The following ABHD6 variants were observed in gnomAD, a reference collection of about 807,000 sequenced individuals.
ABHD6 encodes abhydrolase domain containing 6, acylglycerol lipase.
Under a neutral mutation model 38.8 loss-of-function variants are expected in ABHD6, and 33 were observed. The ratio of observed to expected loss-of-function variants is 0.85; its 90% CI spans 0.64 to 1.14. The LOEUF (loss-of-function observed/expected upper bound fraction) is 1.14. Ranked by LOEUF, ABHD6 falls within the 50% of genes most tolerant of loss-of-function variation. The pLI, the probability that ABHD6 is intolerant of heterozygous loss-of-function variation, is 0.00. For missense variants in ABHD6, 380 were observed against 422.6 expected (o/e 0.90, Z 0.88); for synonymous variants, 147 against 161.6 (o/e 0.91, Z 0.69).
intron 7 of ABHD6, among the ~76,000 whole-genome samples, chr3:58,279,560 T>A (rs1369453967): frequency 6.6e-6 from 1 of 152,232 alleles, no homozygotes; most frequent in Non-Finnish European, 1.5e-5. Flanking sequence ...CCAGTCTGTG[T>A]CTTTTAATTG....
intron 7 of ABHD6, among the ~76,000 whole-genome samples, chr3:58,278,359 T>C (rs573753705): frequency 1.1e-3 from 165 of 152,370 alleles, no homozygotes; most frequent in African/African-American, 3.8e-3. Flanking sequence ...ATTTATCCAT[T>C]TCTTCTAGAT....
Position 58,293,894 on chromosome 3 carries a change from C to A in ABHD6, c.*129C>A. The A allele has an allele frequency of 9.7e-7, 1 of 1,032,220 alleles. No individual in the cohort carries two copies. The highest frequency in any genetic ancestry group is 1.4e-6 in the Non-Finnish European group (1 of 731,062). 63.9% of individuals were successfully genotyped at this position (1,032,220 alleles called of 1,614,324 possible). ...GCCAGTGACCCTGAGGAAGCCCGTC[C>A]CTTATCCCTGGTATCCACGGTTCCC... On this transcript the variant is annotated 3_prime_UTR_variant, in exon 10 of 10. Coordinates refer to ENST00000478253, the MANE Select transcript of ABHD6 (RefSeq NM_001320126.2). This position sits in a 1 kb window ranked among gnomAD's most constrained non-coding sequence, Gnocchi z 4.4.
Position 58,269,267 on chromosome 3 carries a change from G to T in ABHD6, c.277-54G>T. The T allele has an allele frequency of 1.4e-6, 2 of 1,405,822 alleles. No homozygotes were observed. Among genetic ancestry groups the T allele is most frequent in the South Asian group, 1.2e-5 (1 of 84,706 alleles). 87.1% of individuals were successfully genotyped at this position (1,405,822 alleles called of 1,614,324 possible). Reference sequence around the variant, plus strand: ...CATGGGGCAACCTCCCAAGAAAATGGGCAGACATGTTTTGCACACCACATA... The same window carrying T: ...CATGGGGCAACCTCCCAAGAAAATGTGCAGACATGTTTTGCACACCACATA... On this transcript the variant is annotated intron_variant, in intron 4 of 9. Coordinates refer to ENST00000478253, the MANE Select transcript of ABHD6 (RefSeq NM_001320126.2). This position sits in a 1 kb window ranked among gnomAD's most constrained non-coding sequence, Gnocchi z 4.4.
At chr3:58,292,720 C>A (rs9880577) in intron 9 of ABHD6, among the ~76,000 whole-genome samples, 14,210 of 151,900 alleles carry the variant, frequency 0.094, 789 homozygotes, top group African/African-American at 0.13. Flanking sequence ...AGTTCGAGAC[C>A]AGCCTGGCCA....
At chr3:58,278,498 T>C (rs1036408366) in intron 7 of ABHD6, among the ~76,000 whole-genome samples, 2 of 152,208 alleles carry the variant, frequency 1.3e-5, no homozygotes, top group Admixed American at 1.3e-4. Context: ...TCTTTTCTTC[T>C]TTATTAGTCT....
In ABHD6 at chr3:58,256,546, T is replaced by G; in HGVS notation, c.-25-16T>G. The G allele has an allele frequency of 6.9e-7, 1 of 1,446,146 alleles. No individual in the cohort carries two copies. Among genetic ancestry groups the G allele is most frequent in the Non-Finnish European group, 9.7e-7 (1 of 1,034,864 alleles). 89.6% of individuals were successfully genotyped at this position (1,446,146 alleles called of 1,614,324 possible). ...ATACAGAGTTTTAATATCGTCATTC[T>G]CTTTGGCCCCTGCAGGAGTCAGCCA... On this transcript the variant is annotated splice_polypyrimidine_tract_variant and intron_variant, in intron 2 of 9. Coordinates refer to ENST00000478253, the MANE Select transcript of ABHD6 (RefSeq NM_001320126.2). The surrounding 1 kb of genome is among the most constrained non-coding windows in gnomAD (Gnocchi z 4.3).
rs71619229 is a variant in ABHD6 at position 58,256,108 on chromosome 3, C to T, written c.-25-454C>T. Among the ~76,000 whole-genome samples the T allele has an allele frequency of 9.3e-5, 6 of 64,546 alleles. No homozygotes were observed. Among genetic ancestry groups the T allele is most frequent in the Admixed American group, 6.8e-4 (5 of 7,370 alleles). 42.3% of individuals were successfully genotyped at this position (64,546 alleles called of 152,430 possible). The stretch of plus-strand genomic sequence containing the variant: ...ACACACACACACACACACACACACA[C>T]ATACACACACTACTTTTTCTCTCCT... On this transcript the variant is annotated intron_variant, in intron 2 of 9. Coordinates refer to ENST00000478253, the MANE Select transcript of ABHD6 (RefSeq NM_001320126.2). The surrounding 1 kb of genome is among the most constrained non-coding windows in gnomAD (Gnocchi z 4.3).
intron 6 of ABHD6, among the ~76,000 whole-genome samples, 173 bp downstream of exon 6, chr3:58,271,237 C>A (rs2097444643): frequency 6.6e-6 from 1 of 151,708 alleles, no homozygotes; most frequent in African/African-American, 2.4e-5. Context: ...ATAATCATAA[C>A]CAGACTGATT....
chr3:58,240,200 A>G (rs774461474), intron 1 of ABHD6, among the ~76,000 whole-genome samples: 8 of 152,108 alleles, frequency 5.3e-5, no homozygotes, highest in Admixed American at 2.6e-4. Flanking sequence ...CTAGTAGGCT[A>G]GCTAAGATTG....
chr3:58,256,526 G>T lies in ABHD6; in HGVS notation c.-25-36G>T. 1 of 1,251,872 alleles carries T rather than the reference G, an allele frequency of 8.0e-7. No individual in the cohort carries two copies. Among genetic ancestry groups the T allele is most frequent in the African/African-American group, 1.5e-5 (1 of 66,120 alleles). 77.5% of individuals were successfully genotyped at this position (1,251,872 alleles called of 1,614,324 possible). On this transcript the variant is annotated intron_variant, in intron 2 of 9. Transcript: ENST00000478253. This position sits in a 1 kb window ranked among gnomAD's most constrained non-coding sequence, Gnocchi z 4.3. ...TCTTCGCCTTTTTTCCTTTGATACA[G>T]AGTTTTAATATCGTCATTCTCTTTG...
rs11717700 is a variant in ABHD6, at chr3:58,265,149, T to A, written c.120-2040T>A. Among the ~76,000 whole-genome samples the A allele has an allele frequency of 0.064, 9,686 of 152,292 alleles. 452 individuals carry two copies. The highest frequency in any genetic ancestry group is 0.12 in the South Asian group (563 of 4,830). On this transcript the variant is annotated intron_variant, in intron 3 of 9. Coordinates refer to ENST00000478253, the MANE Select transcript of ABHD6 (RefSeq NM_001320126.2). The surrounding 1 kb of genome is among the most constrained non-coding windows in gnomAD (Gnocchi z 4.2). ...CCCATAAATAAGTGAGAGCATGTGA[T>A]GTTTGTCTTTCTGTGTCTGGCTTAC...
At chr3:58,255,463 T>TG (rs5849246) in intron 2 of ABHD6, among the ~76,000 whole-genome samples, 2 of 45,214 alleles carry the variant, frequency 4.4e-5, no homozygotes, top group Non-Finnish European at 8.3e-5. Flanking sequence ...AAAGTCTGTC[T>TG]TTTTTTTTTT....
intron 7 of ABHD6, among the ~76,000 whole-genome samples, chr3:58,278,988 T>C (rs2097450899): frequency 6.6e-6 from 1 of 152,238 alleles, no homozygotes; most frequent in Admixed American, 6.5e-5. Context: ...ATTTCTGTTC[T>C]TTTACATTTG....
chr3:58,239,776 C>T (rs1156659197), intron 1 of ABHD6, among the ~76,000 whole-genome samples: 1 of 151,422 alleles, frequency 6.6e-6, no homozygotes, highest in Non-Finnish European at 1.5e-5. Flanking sequence ...TTGCAGTATG[C>T]GTTGGGTGAG....
chr3:58,289,868 A>ACC (rs569585525), intron 9 of ABHD6, among the ~76,000 whole-genome samples: 9 of 106,138 alleles, frequency 8.5e-5, no homozygotes, highest in African/African-American at 3.9e-4. Flanking sequence ...TAGGGGGCTG[A>ACC]CCCCCCCACC....
At chr3:58,262,752 T>C (rs967928773) in intron 3 of ABHD6, among the ~76,000 whole-genome samples, 5 of 152,260 alleles carry the variant, frequency 3.3e-5, no homozygotes, top group African/African-American at 4.8e-5. Context: ...TCCTACTCTT[T>C]CGTTGAGGGG....
At chr3:58,288,103 A>G (rs2097458780) in intron 9 of ABHD6, among the ~76,000 whole-genome samples, 1 of 152,156 alleles carries the variant, frequency 6.6e-6, no homozygotes, top group Non-Finnish European at 1.5e-5. Context: ...CAGATCCTTC[A>G]TGTGTTTTGT....
intron 3 of ABHD6, among the ~76,000 whole-genome samples, chr3:58,260,606 C>G (rs1003736509): frequency 2.0e-5 from 3 of 152,138 alleles, no homozygotes; most frequent in African/African-American, 7.2e-5. Context: ...ACTTATATCC[C>G]TTAACCACAG....
At position 58,293,957 on chromosome 3, in the gene ABHD6, T is replaced by C; in HGVS notation, c.*192T>C. ...GACCACGCGAAAACCTCCAAGATAT[T>C]TTTCACAAAATAGAAACTCATATGG... On this transcript the variant is annotated 3_prime_UTR_variant, in exon 10 of 10. Coordinates refer to ENST00000478253, the MANE Select transcript of ABHD6 (RefSeq NM_001320126.2). The surrounding 1 kb of genome is among the most constrained non-coding windows in gnomAD (Gnocchi z 4.4). 1.9e-6 allele frequency: 1 copy of C among 521,722 alleles called. No homozygotes were observed. Among genetic ancestry groups the C allele is most frequent in the South Asian group, 4.2e-5 (1 of 23,902 alleles). 32.3% of individuals were successfully genotyped at this position (521,722 alleles called of 1,614,324 possible). A position where few individuals can be genotyped will look rare whatever the true frequency, so the allele number is the denominator to read the frequency against.
Sources: allele counts gnomAD v4.1 joint callset (sites outside exome capture counted in the v4.1 genomes callset), GRCh38; gene constraint gnomAD v4.1.1; non-coding constraint Gnocchi (gnomAD v3.1); transcripts MANE v1.5; gene names NCBI Gene and HGNC (gene_info 2026-07-23, HGNC 2026-07-21).